DMD: variants seen among roughly 807,000 people sequenced by gnomAD.
The protein encoded by DMD is mutant dystrophin.
A neutral mutation model predicts 330.1 loss-of-function variants in DMD; 63 were observed. That is an observed-to-expected ratio of 0.19 (90% CI 0.16 to 0.24). DMD has a LOEUF of 0.24. Ranked by LOEUF, DMD falls within the 10% of genes least tolerant of loss-of-function variation. The pLI is 1.00. For synonymous variants in DMD, 1,223 were observed against 959.8 expected (o/e 1.27, Z -5.07); for missense variants, 3,344 against 2,684.1 (o/e 1.25, Z -5.43).
chrX:31,508,262 G>A (rs2071150767), intron 55 of DMD: 3 of 1,204,711 alleles, frequency 2.5e-6, no homozygotes, highest in Non-Finnish European at 3.4e-6. Flanking sequence ...GGGCACTACA[G>A]CACTGATCCT....
At position 33,020,263 on chromosome X, in the gene DMD, A is replaced by G. The variant is rs536469818; in HGVS notation, c.32-63T>C. On this transcript the variant is annotated intron_variant, in intron 1 of 78. Transcript: ENST00000357033. ...ACTTTAAATATAATTCATATTTTACAACCAAAGTAACTTTCCATTATGATG... is the reference window on the plus strand; with the variant it reads ...ACTTTAAATATAATTCATATTTTACGACCAAAGTAACTTTCCATTATGATG... 252 of 788,759 alleles carry G rather than the reference A, an allele frequency of 3.2e-4. 3 individuals carry two copies. In the South Asian group the frequency reaches 4.8e-3, roughly 15 times the overall value. 65.0% of individuals were successfully genotyped at this position (788,759 alleles called of 1,213,427 possible). A position where few individuals can be genotyped will look rare whatever the true frequency, so the allele number is the denominator to read the frequency against.
Position 32,545,237 on chromosome X carries a change from T to C in DMD, c.2090A>G (p.Lys697Arg), listed in dbSNP as rs769193495. The C allele has an allele frequency of 1.7e-6, 2 of 1,210,432 alleles. No homozygotes were observed. The highest frequency in any genetic ancestry group is 2.2e-6 in the Non-Finnish European group (2 of 894,277). ...TGGTGGAAGTTCCTCTTGAGCATGC[T>C]TTACCAGGATCTGTTCCCTTGTGGT... The part of the protein sequence containing the change: ...TVTTREQILV[K>R]HAQEELPPPP... Residue 697 changes from lysine to arginine, a missense_variant, in exon 17 of 79, where the codon AAG (lysine) becomes AGG (arginine). Physicochemically the swap from Lys to Arg is conservative, Grantham distance 26. Coordinates refer to ENST00000357033, the MANE Select transcript of DMD (RefSeq NM_004006.3).
intron 7 of DMD, among the ~76,000 whole-genome samples, chrX:32,748,423 T>C (rs1041181850): frequency 2.7e-5 from 3 of 110,478 alleles, no homozygotes; most frequent in African/African-American, 6.6e-5. Context: ...AATCCTGTTA[T>C]ACAGATAAGA....
intron 1 of DMD, among the ~76,000 whole-genome samples, chrX:33,061,743 G>A (rs2094583517): frequency 2.7e-5 from 3 of 111,386 alleles, no homozygotes; most frequent in African/African-American, 6.5e-5. Flanking sequence ...CTGTAAATAC[G>A]CTCCTGTGTT....
intron 41 of DMD, among the ~76,000 whole-genome samples, chrX:32,314,522 GCAA>G (rs1181085993): frequency 1.8e-5 from 2 of 111,240 alleles, no homozygotes; most frequent in Non-Finnish European, 3.8e-5. Context: ...AAAAGCAACA[GCAA>G]CAAAAGCCAA....
chrX:31,729,764 T>C lies in DMD; in HGVS notation c.7543-16A>G. On this transcript the variant is annotated splice_polypyrimidine_tract_variant and intron_variant, in intron 51 of 78. Coordinates refer to ENST00000357033, the MANE Select transcript of DMD (RefSeq NM_004006.3). ...GCATTGTTGCCTGTAAGAACAAATA[T>C]CCCTTAGTATCAGGGTTCTTCAGCG... 1 of 1,148,870 alleles carries C rather than the reference T, an allele frequency of 8.7e-7. No homozygotes were observed. Among genetic ancestry groups the C allele is most frequent in the Non-Finnish European group, 1.2e-6 (1 of 837,963 alleles). 94.7% of individuals were successfully genotyped at this position (1,148,870 alleles called of 1,213,427 possible). A position where few individuals can be genotyped will look rare whatever the true frequency, so the allele number is the denominator to read the frequency against.
At chrX:33,021,632 A>G (rs183531608) in intron 1 of DMD, among the ~76,000 whole-genome samples, 2 of 111,856 alleles carry the variant, frequency 1.8e-5, no homozygotes, top group African/African-American at 6.5e-5. Context: ...TTATCTTTAA[A>G]TCACAATACT....
At chrX:33,129,495 C>T (rs1227035925) in intron 1 of DMD, among the ~76,000 whole-genome samples, 3 of 95,656 alleles carry the variant, frequency 3.1e-5, no homozygotes, top group South Asian at 5.5e-4. Flanking sequence ...TTCATTTTTA[C>T]GTAAGCCACA....
intron 62 of DMD, among the ~76,000 whole-genome samples, chrX:31,293,203 T>TTGTG (rs2053867207): frequency 6.5e-5 from 3 of 45,871 alleles, no homozygotes; most frequent in East Asian, 6.4e-4. Flanking sequence ...TAGTCTGGTT[T>TTGTG]AGTGTGTGTG....
At chrX:32,684,940 G>T (rs755311663) in intron 9 of DMD, among the ~76,000 whole-genome samples, 6 of 111,260 alleles carry the variant, frequency 5.4e-5, no homozygotes, top group Non-Finnish European at 1.1e-4. Flanking sequence ...TTTCTTAAAA[G>T]CATCATAACC....
chrX:32,567,440 C>T (rs1159923999), intron 15 of DMD, among the ~76,000 whole-genome samples: 1 of 111,884 alleles, frequency 8.9e-6, no homozygotes, highest in Non-Finnish European at 1.9e-5. Flanking sequence ...CTCTGTCGCC[C>T]AGGCTGGAGT....
intron 4 of DMD, among the ~76,000 whole-genome samples, chrX:32,827,240 G>C (rs1242717727): frequency 3.6e-5 from 4 of 110,492 alleles, no homozygotes; most frequent in Non-Finnish European, 7.6e-5. Context: ...ATAAGCAAAA[G>C]ACATAAGATA....
chrX:31,427,310 T>G (rs978823589), intron 60 of DMD, among the ~76,000 whole-genome samples: 7 of 111,488 alleles, frequency 6.3e-5, no homozygotes, highest in Admixed American at 1.9e-4. Context: ...TGCTCGAGTC[T>G]AAGCTCAAAT....
chrX:31,319,878 A>G (rs1350471054), intron 62 of DMD, among the ~76,000 whole-genome samples: 6 of 112,644 alleles, frequency 5.3e-5, no homozygotes, highest in Non-Finnish European at 1.1e-4. Flanking sequence ...GGAGCATGCA[A>G]CATAAAAAGG....
At chrX:32,732,715 G>T (rs892405440) in intron 7 of DMD, among the ~76,000 whole-genome samples, 1 of 110,738 alleles carries the variant, frequency 9.0e-6, no homozygotes, top group African/African-American at 3.3e-5. Context: ...CAAATGCTGA[G>T]AGATTTTGTC....
chrX:32,047,569 C>T (rs2096072877), intron 44 of DMD, among the ~76,000 whole-genome samples: 1 of 111,567 alleles, frequency 9.0e-6, no homozygotes, highest in Non-Finnish European at 1.9e-5. Flanking sequence ...TTGGAATGTG[C>T]TTTAATTTTG....
At chrX:32,916,561 A>T (rs73219749) in intron 2 of DMD, among the ~76,000 whole-genome samples, 9,697 of 111,398 alleles carry the variant, frequency 0.087, 542 homozygotes, top group African/African-American at 0.21. Flanking sequence ...ATGTCAATAT[A>T]TTGTCTCTCT....
At position 31,695,217 on chromosome X, in the gene DMD, T is replaced by C. The variant is rs147273241; in HGVS notation, c.7661-15631A>G. On this transcript the variant is annotated intron_variant, in intron 52 of 78. Transcript: ENST00000357033. ...CTCACTTATTTGTGGGATCTAAAAA[T>C]TAAAACTATTGAACTCATGGAGACA... is the stretch of plus-strand genomic sequence containing the variant. Among the ~76,000 whole-genome samples, 54 of 110,696 alleles carry C rather than the reference T, an allele frequency of 4.9e-4. No homozygotes were observed. The East Asian group carries it at 0.015, about 30-fold the overall frequency.
intron 44 of DMD, among the ~76,000 whole-genome samples, chrX:32,141,075 G>A (rs1050110727): frequency 9.0e-6 from 1 of 110,676 alleles, no homozygotes; most frequent in African/African-American, 3.3e-5. Flanking sequence ...AGGAGTTTTG[G>A]TCACCTCATT....
Sources: gnomAD v4.1 joint callset for allele counts (sites outside exome capture counted in the v4.1 genomes callset) on GRCh38, gnomAD v4.1.1 for gene constraint, MANE v1.5 for transcripts, NCBI Gene and HGNC (gene_info 2026-07-23, HGNC 2026-07-21) for gene names.